Variants in APCDD1 observed in about 807,000 individuals in gnomAD.
APCDD1 encodes protein APCDD1.
A neutral mutation model predicts 38.1 loss-of-function variants in APCDD1; 15 were observed. The ratio of observed to expected loss-of-function variants is 0.39; its 90% CI spans 0.26 to 0.61. The LOEUF (loss-of-function observed/expected upper bound fraction) is 0.61, where lower values mean the gene tolerates loss of function less well. Ranked by LOEUF, APCDD1 falls within the 20% of genes least tolerant of loss-of-function variation. APCDD1 has a pLI of 0.49. For synonymous variants in APCDD1, 261 were observed against 279.7 expected (o/e 0.93, Z 0.67); for missense variants, 647 against 696.2 (o/e 0.93, Z 0.79).
chr18:10,466,692 A>G (rs512288), intron 1 of APCDD1, among the ~76,000 whole-genome samples: 91,669 of 152,032 alleles, frequency 0.6, 29,066 homozygotes, highest in African/African-American at 0.8. Context: ...GCCTTGCCTC[A>G]ATGGAACTTG....
chr18:10,466,264 G>A (rs1319128870), intron 1 of APCDD1, among the ~76,000 whole-genome samples: 1 of 152,230 alleles, frequency 6.6e-6, no homozygotes, highest in Non-Finnish European at 1.5e-5. Context: ...CAACTGTTGA[G>A]GCTGGCAGAG....
chr18:10,468,999 G>A (rs1435306613), intron 2 of APCDD1, among the ~76,000 whole-genome samples: 2 of 152,184 alleles, frequency 1.3e-5, no homozygotes, highest in East Asian at 1.9e-4. Context: ...CCTGAAACAT[G>A]ACTTGCAAGC....
chr18:10,462,643 CTCCT>C (rs765196609), intron 1 of APCDD1, among the ~76,000 whole-genome samples: 2,744 of 15,696 alleles, frequency 0.17, 306 homozygotes, highest in Middle Eastern at 0.3. Context: ...CCTTCCCTCC[CTCCT>C]TCCTTCCTTC....
At chr18:10,466,301 A>C (rs1240966005) in intron 1 of APCDD1, among the ~76,000 whole-genome samples, 1 of 152,086 alleles carries the variant, frequency 6.6e-6, no homozygotes, top group Admixed American at 6.5e-5. Flanking sequence ...CCTCTCCCCT[A>C]CTCTGGTTCA....
In APCDD1 at chr18:10,472,229, G is replaced by C. The variant is rs938763264; in HGVS notation, c.774+168G>C. Among the ~76,000 whole-genome samples the C allele has an allele frequency of 2.0e-5, 3 of 152,280 alleles. No individual in the cohort carries two copies. Among genetic ancestry groups the C allele is most frequent in the Admixed American group, 6.5e-5 (1 of 15,300 alleles). ...GTGGGAGGAGATGGGAAAGGCTGGG[G>C]CTGAGGGTGCTTTAGCCAGTCAGGA... On this transcript the variant is annotated intron_variant, in intron 3 of 4. Transcript: ENST00000355285. The surrounding 1 kb of genome is among the most constrained non-coding windows in gnomAD (Gnocchi z 6.6).
intron 1 of APCDD1, among the ~76,000 whole-genome samples, chr18:10,464,702 T>C (rs1014987272): frequency 6.6e-6 from 1 of 152,038 alleles, no homozygotes; most frequent in Non-Finnish European, 1.5e-5. Flanking sequence ...ATTACAGGCA[T>C]GAGCCACTGT....
Position 10,485,313 on chromosome 18 carries a change from C to T in APCDD1, c.775-149C>T, listed in dbSNP as rs1009179152. ...CACATCACTCTCACCTCTGTCTGTG[C>T]CCGGAGCATGATTCCAGTTGGTTCT... is the stretch of plus-strand genomic sequence containing the variant. On this transcript the variant is annotated intron_variant, in intron 3 of 4. Transcript: ENST00000355285. This position sits in a 1 kb window ranked among gnomAD's most constrained non-coding sequence, Gnocchi z 5.8. 1.1e-5 allele frequency: 9 copies of T among 831,966 alleles called. No individual in the cohort carries two copies. Among genetic ancestry groups the T allele is most frequent in the African/African-American group, 3.3e-5 (2 of 60,290 alleles). 51.5% of individuals were successfully genotyped at this position (831,966 alleles called of 1,614,324 possible).
chr18:10,482,612 C>T (rs2031166483), intron 3 of APCDD1, among the ~76,000 whole-genome samples: 5 of 152,228 alleles, frequency 3.3e-5, no homozygotes, highest in Admixed American at 3.3e-4. Flanking sequence ...ACAGGCATCA[C>T]AAGAGAACAC....
chr18:10,455,153 G>A lies in APCDD1; in HGVS notation c.58+114G>A, dbSNP rs1301709760. 4.8e-6 allele frequency: 7 copies of A among 1,456,422 alleles called. No individual in the cohort carries two copies. In the East Asian group the frequency reaches 1.7e-4, roughly 35 times the overall value. The allele number at this position is 1,456,422 out of a possible 1,614,324, so 90.2% of individuals were successfully genotyped here. A position where few individuals can be genotyped will look rare whatever the true frequency, so the allele number is the denominator to read the frequency against. On this transcript the variant is annotated intron_variant, in intron 1 of 4. Transcript: ENST00000355285. ...CGGCACGGCCTACACTGTCCCCTTG[G>A]CGGGGCGGGTCCGAGGGGAGCCCCG... is the stretch of plus-strand genomic sequence containing the variant.
chr18:10,485,788 G>C lies in APCDD1; in HGVS notation c.1096+5G>C, dbSNP rs546446978. 3.1e-6 allele frequency: 5 copies of C among 1,611,536 alleles called. No homozygotes were observed. In the Admixed American group the frequency reaches 5.0e-5, roughly 16 times the overall value. On this transcript the variant is annotated splice_donor_5th_base_variant and intron_variant, in intron 4 of 4. Coordinates refer to ENST00000355285, the MANE Select transcript of APCDD1 (RefSeq NM_153000.5). This position sits in a 1 kb window ranked among gnomAD's most constrained non-coding sequence, Gnocchi z 5.8. ...GCACCGAGTTCGTGTTCAAAGGTAG[G>C]ATTCCCATCTCAAGTCCCAGTATCA...
Position 10,471,724 on chromosome 18 carries a change from A to G in APCDD1, c.437A>G (p.Gln146Arg). The G allele has an allele frequency of 6.2e-7, 1 of 1,614,162 alleles. No individual in the cohort carries two copies. The highest frequency in any genetic ancestry group is 8.5e-7 in the Non-Finnish European group (1 of 1,180,040). ...CGAGGGGGCACGGAAGCCGACTACC[A>G]GCTGCACAACGTCCAGGTGATCTGC... is the stretch of plus-strand genomic sequence containing the variant. ...IIRGGTEADY[Q>R]LHNVQVICHT... Residue 146 changes from glutamine (Q) to arginine (R), a missense_variant, in exon 3 of 5, where the codon CAG (glutamine) becomes CGG (arginine). Gln to Arg is a conservative substitution (Grantham distance 43, BLOSUM62 1). Transcript: ENST00000355285. This position sits in a 1 kb window ranked among gnomAD's most constrained non-coding sequence, Gnocchi z 5.5.
At position 10,472,145 on chromosome 18, in the gene APCDD1, C is replaced by T; in HGVS notation, c.774+84C>T. 6.3e-7 allele frequency: 1 copy of T among 1,576,828 alleles called. No individual in the cohort carries two copies. Among genetic ancestry groups the T allele is most frequent in the Non-Finnish European group, 8.7e-7 (1 of 1,152,818 alleles). On this transcript the variant is annotated intron_variant, in intron 3 of 4. Transcript: ENST00000355285. The surrounding 1 kb of genome is among the most constrained non-coding windows in gnomAD (Gnocchi z 6.6). ...GGCTTGCCATGGGGGCTCTAGGGCA[C>T]CCTTGAAAGGGGGAATTCTGCATCA...
At chr18:10,460,532 C>CA (rs1167036963) in intron 1 of APCDD1, among the ~76,000 whole-genome samples, 6,851 of 72,974 alleles carry the variant, frequency 0.094, 450 homozygotes, top group African/African-American at 0.22. Context: ...GACTCTGTCT[C>CA]AAAAAAAAAA....
At position 10,471,800 on chromosome 18, in the gene APCDD1, C is replaced by T. The variant is rs1196972616; in HGVS notation, c.513C>T (p.Cys171=). Residue 171 remains cysteine (C), a synonymous_variant, in exon 3 of 5, where the codon TGC becomes TGT. Coordinates refer to ENST00000355285, the MANE Select transcript of APCDD1 (RefSeq NM_153000.5). This position sits in a 1 kb window ranked among gnomAD's most constrained non-coding sequence, Gnocchi z 5.5. ...EKLGQQVNRT[C]PGFLADGGPW... ...TCGGCCAGCAGGTGAACCGCACATG[C>T]CCGGGCTTCCTCGCAGACGGGGGTC... is the stretch of plus-strand genomic sequence containing the variant. 1 of 1,613,526 alleles carries T rather than the reference C, an allele frequency of 6.2e-7. No individual in the cohort carries two copies. The highest frequency in any genetic ancestry group is 1.7e-5 in the Admixed American group (1 of 59,994).
At position 10,487,616 on chromosome 18, in the gene APCDD1, G is replaced by A. The variant is rs2031275794; in HGVS notation, c.1123G>A (p.Asp375Asn). Reference protein sequence around the residue: ...KVNHMKVTPMDAATASLLNVF... With the variant: ...KVNHMKVTPMNAATASLLNVF... The stretch of plus-strand genomic sequence containing the variant: ...GAATCACATGAAGGTCACCCCCATG[G>A]ATGCGGCCACAGCCTCACTGCTCAA... The change falls in exon 5 of 5, where the codon GAT becomes AAT. Residue 375 changes from aspartate (D) to asparagine (N), a missense_variant. Asp to Asn is a conservative substitution (Grantham distance 23). Transcript: ENST00000355285. 1.2e-6 allele frequency: 2 copies of A among 1,614,034 alleles called. No homozygotes were observed. Among genetic ancestry groups the A allele is most frequent in the Admixed American group, 1.7e-5 (1 of 60,012 alleles).
rs1283221490 is a variant in APCDD1, at chr18:10,472,268, C to A, written c.774+207C>A. ...AGCCAGTCAGGAGACCTGGGTCTGC[C>A]ACCAACTTGCTCTGTGACTTGGAAC... On this transcript the variant is annotated intron_variant, in intron 3 of 4. Coordinates refer to ENST00000355285, the MANE Select transcript of APCDD1 (RefSeq NM_153000.5). The surrounding 1 kb of genome is among the most constrained non-coding windows in gnomAD (Gnocchi z 6.6). 6.6e-6 allele frequency among the ~76,000 whole-genome samples: 1 copy of A among 152,130 alleles called. No individual in the cohort carries two copies. Among genetic ancestry groups the A allele is most frequent in the Non-Finnish European group, 1.5e-5 (1 of 68,022 alleles).
chr18:10,457,393 T>C (rs2030409758), intron 1 of APCDD1, among the ~76,000 whole-genome samples: 1 of 152,252 alleles, frequency 6.6e-6, no homozygotes, highest in South Asian at 2.1e-4. Context: ...ATAGGCGCTT[T>C]GCAGGCATTT....
rs1467470562 is a variant in APCDD1 at position 10,470,425 on chromosome 18, A to G, written c.243-1105A>G. The stretch of plus-strand genomic sequence containing the variant: ...TACTCGACATCAGTTGTCAAACGTT[A>G]CATAGCAACGGTACCCCTGTCTAAA... On this transcript the variant is annotated intron_variant, in intron 2 of 4. Coordinates refer to ENST00000355285, the MANE Select transcript of APCDD1 (RefSeq NM_153000.5). This position sits in a 1 kb window ranked among gnomAD's most constrained non-coding sequence, Gnocchi z 4.1. Among the ~76,000 whole-genome samples the G allele has an allele frequency of 6.6e-6, 1 of 152,230 alleles. No homozygotes were observed. The highest frequency in any genetic ancestry group is 1.5e-5 in the Non-Finnish European group (1 of 68,044).
rs1229962738 is a variant in APCDD1, at chr18:10,476,627, G to A, written c.774+4566G>A. 1 of 152,186 alleles carries A rather than the reference G, an allele frequency of 6.6e-6. No individual in the cohort carries two copies. Among genetic ancestry groups the A allele is most frequent in the African/African-American group, 2.4e-5 (1 of 41,434 alleles). The allele number at this position is 152,186 out of a possible 1,614,324, so 9.4% of individuals were successfully genotyped here. ...ATGCCAGAGCCTCAGGATCAGACTC[G>A]TAAGCAAATGGAATTGGTCTTTCTC... is the stretch of plus-strand genomic sequence containing the variant. On this transcript the variant is annotated intron_variant, in intron 3 of 4. Transcript: ENST00000355285. The surrounding 1 kb of genome is among the most constrained non-coding windows in gnomAD (Gnocchi z 5.8).
Sources: gnomAD v4.1 joint callset for allele counts (sites outside exome capture counted in the v4.1 genomes callset) on GRCh38, gnomAD v4.1.1 for gene constraint, Gnocchi (gnomAD v3.1) non-coding constraint, MANE v1.5 for transcripts, NCBI Gene and HGNC (gene_info 2026-07-23, HGNC 2026-07-21) for gene names.